The following SPON1 variants were observed in gnomAD, a reference collection of about 807,000 sequenced individuals.
The protein encoded by SPON1 is spondin-1.
SPON1 carries 52 observed loss-of-function variants against 111.7 expected under a neutral mutation model. That is an observed-to-expected ratio of 0.47 (90% CI 0.37 to 0.59). The LOEUF is 0.59. Among genes scored for constraint, SPON1 ranks in the 20% least tolerant of loss-of-function variants. SPON1 has a pLI of 0.00. For missense variants in SPON1, 957 were observed against 1,068.5 expected, an observed-to-expected ratio of 0.90 and a Z score of 1.46; for synonymous variants, 410 against 395.8, an observed-to-expected ratio of 1.04 and a Z score of -0.43.
At chr11:14,002,336 C>A (rs1848325664) in intron 2 of SPON1, among the ~76,000 whole-genome samples, 1 of 152,042 alleles carries the variant, frequency 6.6e-6, no homozygotes, top group Non-Finnish European at 1.5e-5. Flanking sequence ...GGGTGAGGAA[C>A]TGGGGCTGCG....
In SPON1 at chr11:14,075,367, A is replaced by G. The variant is rs1554921322; in HGVS notation, c.502A>G (p.Ile168Val). 9.0e-6 allele frequency: 14 copies of G among 1,560,526 alleles called. No individual in the cohort carries two copies. Among genetic ancestry groups the G allele is most frequent in the East Asian group, 7.1e-5 (3 of 42,136 alleles). The change falls in exon 4 of 16, where the codon ATT becomes GTT. Residue 168 changes from isoleucine (I) to valine (V), a missense_variant. Around this residue, in one of 5 missense-constraint regions of SPON1, gnomAD observed 262 missense variants for 253.9 expected, o/e 1.03. Transcript: ENST00000576479. ...CAGGGCCAGCATCGTACAAAAACGC[A>G]TTATTTATTTTCAAGATGAGGGCTC... ...ILKASIVQKR[I>V]IYFQDEGSLT...
At chr11:14,083,433 C>A (rs1848980093) in intron 5 of SPON1, among the ~76,000 whole-genome samples, 1 of 152,096 alleles carries the variant, frequency 6.6e-6, no homozygotes, top group Non-Finnish European at 1.5e-5. Context: ...GATCCTACAC[C>A]AGAACTCTGC....
chr11:14,258,024 C>T, intron 11 of SPON1, 126 bp downstream of exon 11: 2 of 839,814 alleles, frequency 2.4e-6, no homozygotes, highest in Non-Finnish European at 3.5e-6. Flanking sequence ...GTGGGGTCCA[C>T]CTTGGGCAAA....
At chr11:14,131,799 C>G (rs1847532850) in intron 5 of SPON1, among the ~76,000 whole-genome samples, 1 of 152,152 alleles carries the variant, frequency 6.6e-6, no homozygotes, top group Non-Finnish European at 1.5e-5. Context: ...GCCTTTCTTC[C>G]CTGCACCATT....
rs199990763 is a variant in SPON1 at position 14,267,441 on chromosome 11, T to TG, written c.*1760dup. 1.4e-5 allele frequency: 2 copies of TG among 138,662 alleles called. No individual in the cohort carries two copies. Among genetic ancestry groups the TG allele is most frequent in the Non-Finnish European group, 3.3e-5 (2 of 60,782 alleles). 8.6% of individuals were successfully genotyped at this position (138,662 alleles called of 1,614,324 possible). A position where few individuals can be genotyped will look rare whatever the true frequency, so the allele number is the denominator to read the frequency against. On this transcript the variant is annotated 3_prime_UTR_variant, in exon 16 of 16. Coordinates refer to ENST00000576479, the MANE Select transcript of SPON1 (RefSeq NM_006108.4). ...CACAAGATTTAATTATTTTTCTACT[T>TG]GGGGGGAAAAAAGTCCTCATGTAGA...
At chr11:14,084,240 A>G (rs184335343) in intron 5 of SPON1, among the ~76,000 whole-genome samples, 4 of 151,950 alleles carry the variant, frequency 2.6e-5, no homozygotes, top group East Asian at 1.9e-4. Flanking sequence ...TCAACCCATT[A>G]TCTAGGTTTT....
chr11:13,983,808 A>G lies in SPON1; in HGVS notation c.345+855A>G, dbSNP rs112102691. 7.9e-5 allele frequency among the ~76,000 whole-genome samples: 12 copies of G among 152,288 alleles called. 1 individual carries two copies. Among genetic ancestry groups the G allele is most frequent in the African/African-American group, 2.9e-4 (12 of 41,548 alleles). On this transcript the variant is annotated intron_variant, in intron 2 of 15. Coordinates refer to ENST00000576479, the MANE Select transcript of SPON1 (RefSeq NM_006108.4). Reference sequence around the variant, plus strand: ...ATTCATTTTTATCTGGCATTTGCAAATTAAGAAGAAAAAAACTCAGAGAAT... The same window carrying G: ...ATTCATTTTTATCTGGCATTTGCAAGTTAAGAAGAAAAAAACTCAGAGAAT...
intron 5 of SPON1, among the ~76,000 whole-genome samples, chr11:14,082,473 C>G (rs959291054): frequency 2.0e-5 from 3 of 152,200 alleles, no homozygotes; most frequent in African/African-American, 4.8e-5. Context: ...TCCTCCAGGA[C>G]AAACGTGATG....
At chr11:14,068,492 T>C (rs910848760) in intron 3 of SPON1, among the ~76,000 whole-genome samples, 3 of 152,150 alleles carry the variant, frequency 2.0e-5, no homozygotes, top group Non-Finnish European at 4.4e-5. Context: ...TGCAGCACCA[T>C]GTGGAGCTGA....
intron 2 of SPON1, among the ~76,000 whole-genome samples, chr11:14,033,915 T>C (rs1047309364): frequency 6.6e-6 from 1 of 152,152 alleles, no homozygotes; most frequent in Admixed American, 6.5e-5. Flanking sequence ...TATCAGCAAA[T>C]CTCTCCCAAA....
At chr11:13,984,785 G>C (rs782069504) in intron 2 of SPON1, among the ~76,000 whole-genome samples, 1 of 152,196 alleles carries the variant, frequency 6.6e-6, no homozygotes, top group Non-Finnish European at 1.5e-5. Flanking sequence ...TCTTGCAACT[G>C]ATTGGTGAAT....
At chr11:14,247,356 A>G (rs1849003693) in intron 7 of SPON1, among the ~76,000 whole-genome samples, 1 of 152,192 alleles carries the variant, frequency 6.6e-6, no homozygotes, top group African/African-American at 2.4e-5. Context: ...GCTGCAGTGA[A>G]CCATGCACTC....
chr11:14,030,358 A>T (rs1224881504), intron 2 of SPON1, among the ~76,000 whole-genome samples: 4 of 152,176 alleles, frequency 2.6e-5, no homozygotes, highest in African/African-American at 9.7e-5. Flanking sequence ...ATGGAGGATT[A>T]ATCTGCTTTT....
At chr11:13,998,950 C>G (rs532247166) in intron 2 of SPON1, among the ~76,000 whole-genome samples, 1 of 152,210 alleles carries the variant, frequency 6.6e-6, no homozygotes, top group Admixed American at 6.5e-5. Context: ...TTTTAAAAAG[C>G]CAATAAGTTC....
intron 5 of SPON1, among the ~76,000 whole-genome samples, chr11:14,096,454 G>A (rs74982128): frequency 0.071 from 10,821 of 152,280 alleles, 500 homozygotes; most frequent in South Asian, 0.19. Flanking sequence ...GGGTGACGTC[G>A]AGGGATCTCA....
intron 6 of SPON1, among the ~76,000 whole-genome samples, chr11:14,154,397 T>C (rs1168194162): frequency 6.6e-6 from 1 of 152,224 alleles, no homozygotes; most frequent in Non-Finnish European, 1.5e-5. Context: ...TGTGGAAGCC[T>C]TGGTGGCTTC....
chr11:14,215,036 CT>C (rs548195422), intron 6 of SPON1, among the ~76,000 whole-genome samples: 4 of 151,996 alleles, frequency 2.6e-5, no homozygotes, highest in Non-Finnish European at 5.9e-5. Flanking sequence ...TCTACTCTGC[CT>C]TTTTTATGTT....
rs185144440 is a variant in SPON1, at chr11:14,033,367, C to T, written c.346-8154C>T. Among the ~76,000 whole-genome samples the T allele has an allele frequency of 1.9e-4, 29 of 152,312 alleles. No individual in the cohort carries two copies. The South Asian group carries it at 2.5e-3, about 13-fold the overall frequency. On this transcript the variant is annotated intron_variant, in intron 2 of 15. Transcript: ENST00000576479. Reference sequence around the variant, plus strand: ...GCCATGGCCCACCCACGTGTTAGAACGCTTGCAACTTCCTCTGGGACCTTG... The same window carrying T: ...GCCATGGCCCACCCACGTGTTAGAATGCTTGCAACTTCCTCTGGGACCTTG...
At chr11:14,152,155 A>G (rs1224531096) in intron 6 of SPON1, among the ~76,000 whole-genome samples, 3 of 152,290 alleles carry the variant, frequency 2.0e-5, no homozygotes, top group Non-Finnish European at 4.4e-5. Context: ...CATGCTTTTC[A>G]TATGTCTCAT....
Sources: gnomAD v4.1 joint callset for allele counts (sites outside exome capture counted in the v4.1 genomes callset) on GRCh38, gnomAD v4.1.1 for gene constraint, gnomAD v4.1.1 regional missense constraint, MANE v1.5 for transcripts, NCBI Gene and HGNC (gene_info 2026-07-23, HGNC 2026-07-21) for gene names.